FAM110B: variants seen among roughly 807,000 people sequenced by gnomAD.
FAM110B encodes protein FAM110B.
A neutral mutation model predicts 20.4 loss-of-function variants in FAM110B; 6 were observed. The observed-to-expected ratio is 0.29, with a 90% CI of 0.16 to 0.58. FAM110B has a LOEUF of 0.58. Among genes scored for constraint, FAM110B ranks in the 20% least tolerant of loss-of-function variants. The pLI is 0.90. For synonymous variants in FAM110B, 226 were observed against 214.1 expected (o/e 1.06, Z -0.49); for missense variants, 434 against 498.2 (o/e 0.87, Z 1.23).
rs767522164 is a variant in FAM110B at position 58,001,364 on chromosome 8, T to C, written c.-512+6558T>C. 3.8e-5 allele frequency among the ~76,000 whole-genome samples: 5 copies of C among 132,784 alleles called. No individual in the cohort carries two copies. The East Asian group carries it at 1.2e-3, about 32-fold the overall frequency. The allele number at this position is 132,784 out of a possible 152,430, so 87.1% of individuals were successfully genotyped here. On this transcript the variant is annotated intron_variant, in intron 1 of 3. Coordinates refer to ENST00000519262, the MANE Select transcript of FAM110B (RefSeq NM_001377989.1). ...GAAAGTGCCACACTTGTCATGGAGC[T>C]AGTGTGTGCAGGTGTGTGTGTGTGT...
chr8:58,049,836 T>A (rs1354958540), intron 2 of FAM110B, among the ~76,000 whole-genome samples: 1 of 152,206 alleles, frequency 6.6e-6, no homozygotes, highest in African/African-American at 2.4e-5. Flanking sequence ...CCTCTAATAT[T>A]TACTTTTTCT....
chr8:58,015,014 A>C (rs1804609070), intron 1 of FAM110B, among the ~76,000 whole-genome samples: 1 of 152,134 alleles, frequency 6.6e-6, no homozygotes, highest in African/African-American at 2.4e-5. Context: ...TTAGTTGATG[A>C]GTTGATGTTC....
At chr8:58,037,090 G>A (rs1040648565) in intron 2 of FAM110B, among the ~76,000 whole-genome samples, 1 of 151,970 alleles carries the variant, frequency 6.6e-6, no homozygotes, top group Non-Finnish European at 1.5e-5. Context: ...AGTATTGATA[G>A]ACCCTTCATG....
chr8:58,100,712 C>T (rs2150610669), intron 3 of FAM110B, among the ~76,000 whole-genome samples: 1 of 152,216 alleles, frequency 6.6e-6, no homozygotes, highest in African/African-American at 2.4e-5. Flanking sequence ...GATGAGGGGC[C>T]CAGCCTACTC....
chr8:58,029,035 G>C (rs1804913871), intron 1 of FAM110B, among the ~76,000 whole-genome samples: 1 of 152,186 alleles, frequency 6.6e-6, no homozygotes, highest in Non-Finnish European at 1.5e-5. Flanking sequence ...CATGCACCTA[G>C]CACTGTGCAG....
intron 3 of FAM110B, among the ~76,000 whole-genome samples, chr8:58,119,406 C>A (rs574281410): frequency 6.6e-6 from 1 of 152,288 alleles, no homozygotes; most frequent in Admixed American, 6.5e-5. Context: ...CCGTAAGCCT[C>A]TTTTATAAAA....
chr8:58,063,465 A>ACGTC (rs1039254625), intron 2 of FAM110B, among the ~76,000 whole-genome samples: 37 of 131,978 alleles, frequency 2.8e-4, no homozygotes, highest in African/African-American at 1.3e-3. Context: ...GAGTCCTCAT[A>ACGTC]CATCATTTGA....
chr8:58,086,638 C>G (rs565779668), intron 3 of FAM110B, among the ~76,000 whole-genome samples: 1 of 152,188 alleles, frequency 6.6e-6, no homozygotes, highest in Non-Finnish European at 1.5e-5. Flanking sequence ...TTAGGACATT[C>G]CACAGAGAGT....
intron 2 of FAM110B, among the ~76,000 whole-genome samples, chr8:58,062,233 G>A (rs961254558): frequency 1.3e-4 from 20 of 152,150 alleles, no homozygotes; most frequent in South Asian, 4.1e-4. Flanking sequence ...TTAGAAACAG[G>A]AGAAATATAG....
At chr8:58,090,194 G>A (rs1806439145) in intron 3 of FAM110B, among the ~76,000 whole-genome samples, 1 of 152,172 alleles carries the variant, frequency 6.6e-6, no homozygotes, top group African/African-American at 2.4e-5. Flanking sequence ...AAGTCTCGCT[G>A]TGTTACCCAG....
chr8:58,006,924 T>TATATATATATATATATATATATATATA (rs6150600), intron 1 of FAM110B, among the ~76,000 whole-genome samples: 12 of 110,984 alleles, frequency 1.1e-4, no homozygotes, highest in Non-Finnish European at 2.0e-4. Context: ...TATATATATA[T>TATATATATATATATATATATATATATA]TTTTCCAAAA....
intron 2 of FAM110B, among the ~76,000 whole-genome samples, chr8:58,066,638 G>T (rs1360454244): frequency 6.6e-6 from 1 of 152,158 alleles, no homozygotes; most frequent in African/African-American, 2.4e-5. Context: ...TCTTGCCCCT[G>T]GTAGCCAGAA....
chr8:58,144,735 G>A (rs765543879), intron 3 of FAM110B, among the ~76,000 whole-genome samples: 5 of 152,172 alleles, frequency 3.3e-5, no homozygotes, highest in Non-Finnish European at 7.3e-5. Flanking sequence ...ATGCTGTTAA[G>A]GTCATTAGCC....
chr8:58,096,731 A>C (rs1401188346), intron 3 of FAM110B, among the ~76,000 whole-genome samples: 2 of 152,128 alleles, frequency 1.3e-5, no homozygotes, highest in African/African-American at 2.4e-5. Context: ...TTGTAAGGCA[A>C]GCCTGGTGGT....
chr8:58,022,846 C>T (rs1804782548), intron 1 of FAM110B, among the ~76,000 whole-genome samples: 1 of 152,212 alleles, frequency 6.6e-6, no homozygotes, highest in African/African-American at 2.4e-5. Flanking sequence ...AAAGCCCAAA[C>T]CCAGGGGGTT....
chr8:58,035,516 A>G (rs1350982137), intron 2 of FAM110B, among the ~76,000 whole-genome samples: 1 of 152,234 alleles, frequency 6.6e-6, no homozygotes, highest in Non-Finnish European at 1.5e-5. Context: ...AAGAGTATGC[A>G]TAATTCACTG....
intron 1 of FAM110B, among the ~76,000 whole-genome samples, chr8:57,996,085 G>A (rs1434384128): frequency 6.6e-6 from 1 of 152,136 alleles, no homozygotes; most frequent in Non-Finnish European, 1.5e-5. Context: ...ACAACCCCTG[G>A]TCATTCAGGT....
intron 2 of FAM110B, among the ~76,000 whole-genome samples, chr8:58,066,516 GAGTA>G (rs914009636): frequency 1.8e-4 from 28 of 152,312 alleles, no homozygotes; most frequent in African/African-American, 5.5e-4. Flanking sequence ...GGCCACAGCT[GAGTA>G]AGTGTCTGGT....
intron 3 of FAM110B, among the ~76,000 whole-genome samples, chr8:58,118,561 G>T (rs1016276397): frequency 2.0e-5 from 3 of 152,184 alleles, no homozygotes; most frequent in African/African-American, 7.2e-5. Flanking sequence ...GCAGGGTGGG[G>T]CGTGGTACCT....
Sources: gnomAD v4.1 joint callset for allele counts (sites outside exome capture counted in the v4.1 genomes callset) on GRCh38, gnomAD v4.1.1 for gene constraint, MANE v1.5 for transcripts, NCBI Gene and HGNC (gene_info 2026-07-23, HGNC 2026-07-21) for gene names.